Variants in PLEKHA2 observed in about 807,000 individuals in gnomAD.
The protein encoded by PLEKHA2 is pleckstrin homology domain containing A2.
In PLEKHA2, 28 loss-of-function variants were observed where a neutral mutation model predicts 53.2. The ratio of observed to expected loss-of-function variants is 0.53; its 90% CI spans 0.39 to 0.72. The LOEUF is 0.72. Ranked by LOEUF, PLEKHA2 falls within the 30% of genes least tolerant of loss-of-function variation. The pLI, the probability that PLEKHA2 is intolerant of heterozygous loss-of-function variation, is 0.00. For missense variants in PLEKHA2, 426 were observed against 537.9 expected (o/e 0.79, Z 2.06); for synonymous variants, 193 against 196.4 (o/e 0.98, Z 0.14).
Position 38,901,444 on chromosome 8 carries a change from G to GC in PLEKHA2, c.-25_-24insC, listed in dbSNP as rs1349745027. On this transcript the variant is annotated splice_region_variant and 5_prime_UTR_variant, in exon 1 of 12. Transcript: ENST00000617275. ...CCCGAGCCCCGGCCCCTGCACGGGG[G>GC]GGTAAGTTGGGCGCCCTCGCGGGCT... The GC allele has an allele frequency of 7.1e-6, 1 of 141,152 alleles. No homozygotes were observed. The highest frequency in any genetic ancestry group is 1.6e-5 in the Non-Finnish European group (1 of 60,934). 8.7% of individuals were successfully genotyped at this position (141,152 alleles called of 1,614,324 possible). A position where few individuals can be genotyped will look rare whatever the true frequency, so the allele number is the denominator to read the frequency against.
intron 5 of PLEKHA2, among the ~76,000 whole-genome samples, chr8:38,949,148 G>A (rs914107341): frequency 7.9e-5 from 12 of 152,124 alleles, no homozygotes; most frequent in Non-Finnish European, 1.5e-4. Context: ...TGGGATTATA[G>A]GCATGAGCCA....
At chr8:38,961,265 C>T (rs542582232) in intron 10 of PLEKHA2, among the ~76,000 whole-genome samples, 21 of 152,270 alleles carry the variant, frequency 1.4e-4, no homozygotes, top group South Asian at 1.0e-3. Flanking sequence ...AGGCCAGGCA[C>T]GGTGGCTCAC....
At chr8:38,907,565 C>A (rs1464739843) in intron 1 of PLEKHA2, among the ~76,000 whole-genome samples, 1 of 152,042 alleles carries the variant, frequency 6.6e-6, no homozygotes, top group Non-Finnish European at 1.5e-5. Context: ...ATCACTTGAG[C>A]CTAGGAGTTT....
At chr8:38,963,511 T>G (rs575280905) in intron 10 of PLEKHA2, among the ~76,000 whole-genome samples, 1 of 152,320 alleles carries the variant, frequency 6.6e-6, no homozygotes, top group South Asian at 2.1e-4. Flanking sequence ...ATAACCATAA[T>G]TTTTGCATAC....
chr8:38,908,363 G>A (rs976598634), intron 1 of PLEKHA2, among the ~76,000 whole-genome samples: 2 of 152,224 alleles, frequency 1.3e-5, no homozygotes, highest in Non-Finnish European at 2.9e-5. Flanking sequence ...ATTGTGAGAT[G>A]TGAAACATTT....
chr8:38,942,712 G>A (rs957124995), intron 3 of PLEKHA2, among the ~76,000 whole-genome samples: 7 of 152,226 alleles, frequency 4.6e-5, no homozygotes, highest in African/African-American at 1.2e-4. Flanking sequence ...TGGGCATGTG[G>A]TGGAATATGA....
chr8:38,966,408 G>A (rs1835136676), intron 10 of PLEKHA2, among the ~76,000 whole-genome samples: 1 of 152,144 alleles, frequency 6.6e-6, no homozygotes, highest in African/African-American at 2.4e-5. Flanking sequence ...GTTTTGGTGG[G>A]ACTGTTAGGG....
intron 1 of PLEKHA2, among the ~76,000 whole-genome samples, chr8:38,909,698 G>C (rs776911842): frequency 6.6e-6 from 1 of 152,154 alleles, no homozygotes; most frequent in Non-Finnish European, 1.5e-5. Context: ...CTGGCAGGCA[G>C]CCATTGACTT....
intron 7 of PLEKHA2, 38 bp from the exon 8 acceptor site, chr8:38,952,598 C>G (rs1461077633): frequency 4.4e-6 from 7 of 1,586,962 alleles, no homozygotes; most frequent in Non-Finnish European, 6.0e-6. Context: ...TGCTGGGCAC[C>G]TCTCGCTAAT....
At chr8:38,952,782 T>C in intron 8 of PLEKHA2, 78 bp downstream of exon 8, 2 of 1,426,932 alleles carry the variant, frequency 1.4e-6, no homozygotes, top group Non-Finnish European at 1.9e-6. Flanking sequence ...CAGGAGAGCG[T>C]GCATGAGTGG....
intron 2 of PLEKHA2, among the ~76,000 whole-genome samples, chr8:38,929,883 A>G (rs1323286700): frequency 3.0e-5 from 4 of 133,568 alleles, no homozygotes; most frequent in Non-Finnish European, 6.4e-5. Context: ...ATGGATCGAT[A>G]GTTGGGTCTT....
At chr8:38,962,110 A>T (rs144026022) in intron 10 of PLEKHA2, among the ~76,000 whole-genome samples, 3 of 152,360 alleles carry the variant, frequency 2.0e-5, no homozygotes, top group African/African-American at 4.8e-5. Context: ...TTTGTGCAGG[A>T]TCATAATAAA....
rs182047916 is a variant in PLEKHA2, at chr8:38,907,106, G to A, written c.-24+5661G>A. ...AGGGGTAACAGGACAGAAGATGTAC[G>A]TACCACACGCCCCACTCCTTGTCAA... On this transcript the variant is annotated intron_variant, in intron 1 of 11. Transcript: ENST00000617275. Among the ~76,000 whole-genome samples the A allele has an allele frequency of 8.9e-4, 136 of 152,248 alleles. No individual in the cohort carries two copies. The East Asian group carries it at 0.018, about 20-fold the overall frequency.
chr8:38,952,261 C>T lies in PLEKHA2; in HGVS notation c.582C>T (p.Ser194=), dbSNP rs761961016. The change falls in exon 7 of 12, where the codon TCC becomes TCT. Residue 194 remains serine (S), a synonymous_variant. Coordinates refer to ENST00000617275, the MANE Select transcript of PLEKHA2 (RefSeq NM_021623.2). ...TCCCCACGTCAGGCTGCCGTGCTTCCACTGGGCCTCCCCTCATTAAGAGTG... is the reference window on the plus strand; with the variant it reads ...TCCCCACGTCAGGCTGCCGTGCTTCTACTGGGCCTCCCCTCATTAAGAGTG... ...SYIPTSGCRA[S]TGPPLIKSGY... 8 of 1,612,602 alleles carry T rather than the reference C, an allele frequency of 5.0e-6. No individual in the cohort carries two copies. The highest frequency in any genetic ancestry group is 5.9e-6 in the Non-Finnish European group (7 of 1,179,488).
chr8:38,929,065 C>T (rs1253391043), intron 2 of PLEKHA2, among the ~76,000 whole-genome samples: 1 of 152,248 alleles, frequency 6.6e-6, no homozygotes, highest in Non-Finnish European at 1.5e-5. Context: ...GCTATACCCC[C>T]TCTGCAGGCA....
intron 2 of PLEKHA2, among the ~76,000 whole-genome samples, chr8:38,923,272 A>C (rs1240590003): frequency 6.6e-6 from 1 of 152,232 alleles, no homozygotes; most frequent in Non-Finnish European, 1.5e-5. Flanking sequence ...TCAAGGTTGC[A>C]ATCTTGGCTC....
In PLEKHA2 at chr8:38,914,166, A is replaced by G. The variant is rs1486971334; in HGVS notation, c.-23-3741A>G. ...TCGCCTGCTTTGCTCTTTGTCCCCT[A>G]TCCTTTTGCACTGAGTAGCTGTGGG... On this transcript the variant is annotated intron_variant, in intron 1 of 11. Transcript: ENST00000617275. 3.3e-5 allele frequency among the ~76,000 whole-genome samples: 5 copies of G among 152,020 alleles called. No individual in the cohort carries two copies. In the East Asian group the frequency reaches 9.7e-4, roughly 29 times the overall value.
At chr8:38,935,879 A>C (rs1834485186) in intron 2 of PLEKHA2, 115 bp from the exon 3 acceptor site, 1 of 878,798 alleles carries the variant, frequency 1.1e-6, no homozygotes, top group Admixed American at 1.8e-5. Flanking sequence ...AGAATGGTTG[A>C]GTAACTTGCT....
intron 1 of PLEKHA2, among the ~76,000 whole-genome samples, chr8:38,910,480 A>C (rs1204990651): frequency 6.6e-6 from 1 of 152,230 alleles, no homozygotes; most frequent in Non-Finnish European, 1.5e-5. Context: ...AACATTTAAA[A>C]AACATTCAAC....
Sources: gnomAD v4.1 joint callset for allele counts (sites outside exome capture counted in the v4.1 genomes callset) on GRCh38, gnomAD v4.1.1 for gene constraint, MANE v1.5 for transcripts, NCBI Gene and HGNC (gene_info 2026-07-23, HGNC 2026-07-21) for gene names.